The following FAP variants were observed in gnomAD, a reference collection of about 807,000 sequenced individuals.
The protein encoded by FAP is fibroblast activation protein alpha.
Under a neutral mutation model 126.5 loss-of-function variants are expected in FAP, and 110 were observed. The observed-to-expected ratio is 0.87, with a 90% CI of 0.74 to 1.02. FAP has a LOEUF of 1.02. Ranked by LOEUF, FAP falls within the 50% of genes least tolerant of loss-of-function variation. The pLI is 0.00. For synonymous variants in FAP, 334 were observed against 297.3 expected, an observed-to-expected ratio of 1.12 and a Z score of -1.27; for missense variants, 919 against 909.2, an observed-to-expected ratio of 1.01 and a Z score of -0.14.
At chr2:162,204,736 A>G (rs1356242717) in intron 12 of FAP, among the ~76,000 whole-genome samples, 1 of 152,184 alleles carries the variant, frequency 6.6e-6, no homozygotes, top group African/African-American at 2.4e-5. Context: ...CTGTTGTTTT[A>G]AGCCACAAAG....
intron 10 of FAP, 118 bp from the exon 11 acceptor site, chr2:162,214,191 G>T (rs1689074071): frequency 2.5e-6 from 2 of 789,098 alleles, no homozygotes; most frequent in Non-Finnish European, 3.7e-6. Flanking sequence ...TTATTTAATA[G>T]GTAAGCAAGA....
chr2:162,239,792 G>A (rs980746790), intron 2 of FAP, among the ~76,000 whole-genome samples: 3 of 152,162 alleles, frequency 2.0e-5, no homozygotes, highest in Non-Finnish European at 4.4e-5. Flanking sequence ...AATCTGAAAC[G>A]AGGTCAAATA....
rs1325160172 is a variant in FAP, at chr2:162,213,947, A to G, written c.993T>C (p.Asp331=). 2 of 1,613,396 alleles carry G rather than the reference A, an allele frequency of 1.2e-6. No individual in the cohort carries two copies. The highest frequency in any genetic ancestry group is 4.5e-5 in the East Asian group (2 of 44,836). The change falls in exon 11 of 26, where the codon GAT becomes GAC. Residue 331 remains aspartate (D), a synonymous_variant. Transcript: ENST00000188790. ...CDFREDWQTW[D]CPKTQEHIEE... ...TCTTAATATACCCTACCTTTGGACA[A>G]TCCCATGTCTGCCAGTCTTCCCTGA...
Position 162,242,991 on chromosome 2 carries a change from G to C in FAP, c.8C>G (p.Thr3Ser). 1.9e-6 allele frequency: 3 copies of C among 1,610,540 alleles called. No individual in the cohort carries two copies. Among genetic ancestry groups the C allele is most frequent in the Non-Finnish European group, 2.5e-6 (3 of 1,177,746 alleles). MKTWVKIVFGVAT... is the reference protein window; with the variant it reads MKSWVKIVFGVAT... ...AACTCCAAATACGATTTTTACCCAA[G>C]TCTACATAAAATAAAGAGAATTAGG... The change falls in exon 2 of 26, where the codon ACT (threonine) becomes AGT (serine). Residue 3 changes from threonine (T) to serine (S), a missense_variant and splice_region_variant. Coordinates refer to ENST00000188790, the MANE Select transcript of FAP (RefSeq NM_004460.5).
At chr2:162,183,029 C>G (rs956850972) in intron 21 of FAP, among the ~76,000 whole-genome samples, 3 of 151,812 alleles carry the variant, frequency 2.0e-5, no homozygotes, top group African/African-American at 7.3e-5. Flanking sequence ...TCTGAAAGTC[C>G]CTGTGATTTC....
At chr2:162,213,569 T>C (rs114539227) in intron 11 of FAP, among the ~76,000 whole-genome samples, 230 of 152,238 alleles carry the variant, frequency 1.5e-3, no homozygotes, top group African/African-American at 5.3e-3. Context: ...TATATTTATC[T>C]AGTAGACCCA....
In FAP at chr2:162,174,861, C is replaced by A; in HGVS notation, c.1969+6G>T. On this transcript the variant is annotated splice_donor_region_variant and intron_variant, in intron 22 of 25. Transcript: ENST00000188790. ...TTCACAGTAACATTAATGAATGTTT[C>A]CATACCGTAATATTCCCAGCTGGAG... 1 of 1,589,950 alleles carries A rather than the reference C, an allele frequency of 6.3e-7. No homozygotes were observed. The highest frequency in any genetic ancestry group is 1.1e-5 in the South Asian group (1 of 90,504).
intron 11 of FAP, among the ~76,000 whole-genome samples, chr2:162,213,057 C>A (rs1423161190): frequency 6.6e-6 from 1 of 152,138 alleles, no homozygotes; most frequent in Non-Finnish European, 1.5e-5. Context: ...ATGTCACATT[C>A]TCAGTAATTC....
chr2:162,211,904 AGT>A (rs1472305424), intron 11 of FAP, among the ~76,000 whole-genome samples: 1 of 152,090 alleles, frequency 6.6e-6, no homozygotes, highest in Non-Finnish European at 1.5e-5. Context: ...TTGTTTTCAA[AGT>A]GTGTGCGCAC....
At position 162,202,345 on chromosome 2, in the gene FAP, T is replaced by C. The variant is rs1461552146; in HGVS notation, c.1223+527A>G. On this transcript the variant is annotated intron_variant, in intron 14 of 25. Transcript: ENST00000188790. ...GATTGAATCCTAGTCTGCTACTAAC[T>C]AACTGTGGCCTTTGGCCAAGTTAAT... is the stretch of plus-strand genomic sequence containing the variant. Among the ~76,000 whole-genome samples the C allele has an allele frequency of 2.0e-5, 3 of 152,278 alleles. No homozygotes were observed. The East Asian group carries it at 5.8e-4, about 29-fold the overall frequency.
chr2:162,198,906 A>G lies in FAP; in HGVS notation c.1278-25T>C, dbSNP rs564517622. The G allele has an allele frequency of 1.4e-5, 23 of 1,608,830 alleles. No individual in the cohort carries two copies. In the South Asian group the frequency reaches 2.4e-4, roughly 17 times the overall value. Reference sequence around the variant, plus strand: ...TCTAGAGGGAAATGAAAATAAAACTAAGCTGAAATTTTGAGATTGTATTTA... The same window carrying G: ...TCTAGAGGGAAATGAAAATAAAACTGAGCTGAAATTTTGAGATTGTATTTA... On this transcript the variant is annotated intron_variant, in intron 15 of 25. Transcript: ENST00000188790.
chr2:162,184,043 A>G (rs1382807007), intron 20 of FAP, among the ~76,000 whole-genome samples: 1 of 152,142 alleles, frequency 6.6e-6, no homozygotes, highest in Non-Finnish European at 1.5e-5. Flanking sequence ...TCCATTTGAA[A>G]ACTATTTTGA....
chr2:162,202,021 T>C (rs776751286), intron 14 of FAP, among the ~76,000 whole-genome samples: 3 of 152,216 alleles, frequency 2.0e-5, no homozygotes, highest in Non-Finnish European at 4.4e-5. Context: ...AGATTCGTAA[T>C]AGATTTCCGA....
At chr2:162,236,448 G>GTTTTT (rs201709257) in intron 2 of FAP, among the ~76,000 whole-genome samples, 1 of 133,064 alleles carries the variant, frequency 7.5e-6, no homozygotes, top group Non-Finnish European at 1.7e-5. Flanking sequence ...TTATGTTTTT[G>GTTTTT]TTTTTTTTTT....
intron 17 of FAP, among the ~76,000 whole-genome samples, chr2:162,192,403 A>G (rs1351527381): frequency 6.6e-6 from 1 of 151,710 alleles, no homozygotes; most frequent in Non-Finnish European, 1.5e-5. Flanking sequence ...TTTCCACAAT[A>G]CCATACTCTC....
rs747747073 is a variant in FAP, at chr2:162,188,214, C to T, written c.1769G>A (p.Arg590Gln). The change falls in exon 20 of 26, where the codon CGA becomes CAA. Residue 590 changes from arginine (R) to glutamine (Q), a missense_variant. Transcript: ENST00000188790. ...TTCAACTTCATAAACACCCAGCTTT[C>T]GATACACTGCATAGAGGAGTTTGTC... ...QGDKLLYAVY[R>Q]KLGVYEVEDQ... The T allele has an allele frequency of 2.4e-5, 39 of 1,613,002 alleles. 1 individual carries two copies. Among genetic ancestry groups the T allele is most frequent in the Non-Finnish European group, 3.1e-5 (36 of 1,179,356 alleles).
chr2:162,177,999 A>T (rs1687544988), intron 21 of FAP, among the ~76,000 whole-genome samples: 1 of 152,186 alleles, frequency 6.6e-6, no homozygotes, highest in Admixed American at 6.5e-5. Flanking sequence ...CAAACTCAGG[A>T]CACTTGTCTC....
At chr2:162,194,622 G>C (rs1688175246) in intron 17 of FAP, 79 bp downstream of exon 17, 1 of 1,294,894 alleles carries the variant, frequency 7.7e-7, no homozygotes, top group African/African-American at 1.5e-5. Context: ...TGGAGAAACT[G>C]TCCTGCTTTC....
intron 9 of FAP, among the ~76,000 whole-genome samples, chr2:162,216,384 G>A (rs559335610): frequency 1.3e-5 from 2 of 152,234 alleles, no homozygotes; most frequent in East Asian, 3.9e-4. Context: ...AGTTCAGAGG[G>A]TGATTAATTT....
Sources: gnomAD v4.1 joint callset for allele counts (sites outside exome capture counted in the v4.1 genomes callset) on GRCh38, gnomAD v4.1.1 for gene constraint, MANE v1.5 for transcripts, NCBI Gene and HGNC (gene_info 2026-07-23, HGNC 2026-07-21) for gene names.